The following NRG1 variants were observed in gnomAD, a reference collection of about 807,000 sequenced individuals.
NRG1 encodes pro-neuregulin-1, membrane-bound isoform.
Under a neutral mutation model 63.8 loss-of-function variants are expected in NRG1, and 18 were observed. The observed-to-expected ratio is 0.28, with a 90% CI of 0.19 to 0.42. The LOEUF (loss-of-function observed/expected upper bound fraction) is 0.42, where lower values mean the gene tolerates loss of function less well. Among genes scored for constraint, NRG1 ranks in the 10% least tolerant of loss-of-function variants. The pLI is 1.00. For synonymous variants in NRG1, 302 were observed against 301.3 expected, an observed-to-expected ratio of 1.00 and a Z score of -0.02; for missense variants, 762 against 814.7, an observed-to-expected ratio of 0.94 and a Z score of 0.79.
intron 1 of NRG1, among the ~76,000 whole-genome samples, chr8:31,642,485 G>T (rs912064576): frequency 3.3e-5 from 5 of 152,192 alleles, no homozygotes; most frequent in Non-Finnish European, 4.4e-5. Context: ...GAGAGGTAAA[G>T]TTCTTACAAG....
intron 1 of NRG1, among the ~76,000 whole-genome samples, chr8:32,033,533 T>C (rs924597626): frequency 6.6e-6 from 1 of 152,152 alleles, no homozygotes; most frequent in Non-Finnish European, 1.5e-5. Context: ...ATAAATTACT[T>C]TGGGTGTTAT....
chr8:31,864,844 A>G (rs550088105), intron 1 of NRG1, among the ~76,000 whole-genome samples: 1 of 152,122 alleles, frequency 6.6e-6, no homozygotes, highest in Non-Finnish European at 1.5e-5. Context: ...GATAGGTGAG[A>G]GGTAGCCCTA....
intron 1 of NRG1, among the ~76,000 whole-genome samples, chr8:32,227,346 A>G (rs1318858974): frequency 2.6e-5 from 4 of 152,234 alleles, no homozygotes; most frequent in Non-Finnish European, 5.9e-5. Flanking sequence ...CCATTAAAAA[A>G]GCAGGAATTC....
chr8:32,759,784 A>C (rs1830366864), intron 10 of NRG1, among the ~76,000 whole-genome samples: 1 of 152,162 alleles, frequency 6.6e-6, no homozygotes, highest in African/African-American at 2.4e-5. Context: ...GAATTGGTTA[A>C]ATAGTGGAAC....
intron 5 of NRG1, among the ~76,000 whole-genome samples, chr8:32,661,743 A>T (rs1032547402): frequency 6.6e-6 from 1 of 152,138 alleles, no homozygotes; most frequent in African/African-American, 2.4e-5. Context: ...TCAATAGAGA[A>T]GAGTTTACCT....
At chr8:32,353,440 A>G (rs1475068322) in intron 1 of NRG1, among the ~76,000 whole-genome samples, 1 of 151,976 alleles carries the variant, frequency 6.6e-6, no homozygotes, top group Non-Finnish European at 1.5e-5. Flanking sequence ...GTAACTAATG[A>G]AACATTATAT....
chr8:32,598,278 G>C (rs1236497049), intron 2 of NRG1, among the ~76,000 whole-genome samples: 1 of 152,054 alleles, frequency 6.6e-6, no homozygotes, highest in African/African-American at 2.4e-5. Context: ...ATTTCATCTA[G>C]AAGAAAGCAT....
chr8:32,206,624 C>A (rs888829824), intron 1 of NRG1, among the ~76,000 whole-genome samples: 1 of 152,178 alleles, frequency 6.6e-6, no homozygotes, highest in Non-Finnish European at 1.5e-5. Context: ...CAGAATAATG[C>A]CCCTCCATGT....
At chr8:32,410,311 G>T (rs1359604159) in intron 1 of NRG1, among the ~76,000 whole-genome samples, 4 of 149,508 alleles carry the variant, frequency 2.7e-5, no homozygotes, top group Non-Finnish European at 5.9e-5. Context: ...CTCCTGAGTA[G>T]CTGGGACTAC....
chr8:31,947,172 C>T (rs1315197733), intron 1 of NRG1, among the ~76,000 whole-genome samples: 1 of 151,504 alleles, frequency 6.6e-6, no homozygotes, highest in Non-Finnish European at 1.5e-5. Flanking sequence ...CGGTGGCGGG[C>T]GCCTGTAGTC....
chr8:31,781,356 A>T (rs991416340), intron 1 of NRG1, among the ~76,000 whole-genome samples: 4 of 152,146 alleles, frequency 2.6e-5, no homozygotes, highest in African/African-American at 9.7e-5. Flanking sequence ...GGCTGGGCTG[A>T]TCTTTATAGT....
intron 1 of NRG1, among the ~76,000 whole-genome samples, chr8:32,081,835 C>T (rs1204706323): frequency 5.9e-5 from 9 of 151,940 alleles, no homozygotes; most frequent in South Asian, 2.1e-4. Context: ...AGAGATGTTT[C>T]GATCTGTGGA....
At chr8:32,135,431 T>A (rs1319804993) in intron 1 of NRG1, among the ~76,000 whole-genome samples, 1 of 152,022 alleles carries the variant, frequency 6.6e-6, no homozygotes, top group Non-Finnish European at 1.5e-5. Context: ...GTAGTGAAGA[T>A]GCATAGGAGT....
chr8:32,722,147 T>TAA, intron 5 of NRG1: 2 of 978,490 alleles, frequency 2.0e-6, no homozygotes, highest in Non-Finnish European at 3.0e-6. Flanking sequence ...GTTATTTGGT[T>TAA]TAATTTTCTG....
chr8:32,426,915 G>T lies in NRG1; in HGVS notation c.38-168913G>T, dbSNP rs74512606. On this transcript the variant is annotated intron_variant, in intron 1 of 10. Coordinates refer to the NRG1 transcript ENST00000519301. Reference sequence around the variant, plus strand: ...AGTTGAGCAAAAGCAAAGGTCATCTGTGTTTATATTAACAATGTAAGAGTT... The same window carrying T: ...AGTTGAGCAAAAGCAAAGGTCATCTTTGTTTATATTAACAATGTAAGAGTT... Among the ~76,000 whole-genome samples the T allele has an allele frequency of 6.0e-3, 916 of 152,122 alleles. 11 individuals carry two copies. Among genetic ancestry groups the T allele is most frequent in the African/African-American group, 0.021 (886 of 41,514 alleles).
intron 9 of NRG1, 39 bp from the exon 10 acceptor site, chr8:32,759,267 C>A: frequency 6.2e-7 from 1 of 1,602,584 alleles, no homozygotes; most frequent in Non-Finnish European, 8.5e-7. Flanking sequence ...TGACATGAAT[C>A]TACGTGAATC....
chr8:32,729,698 C>A (rs1823150931), intron 6 of NRG1, among the ~76,000 whole-genome samples: 1 of 152,106 alleles, frequency 6.6e-6, no homozygotes, highest in Non-Finnish European at 1.5e-5. Flanking sequence ...GGTGCCAATT[C>A]TAATAAAATC....
chr8:32,143,316 GA>G (rs1836501818), intron 1 of NRG1, among the ~76,000 whole-genome samples: 1 of 152,018 alleles, frequency 6.6e-6, no homozygotes, highest in Non-Finnish European at 1.5e-5. Context: ...TAGAATGTAT[GA>G]AAAAATCAAA....
At chr8:32,712,853 A>G (rs886865121) in intron 5 of NRG1, among the ~76,000 whole-genome samples, 1 of 152,112 alleles carries the variant, frequency 6.6e-6, no homozygotes, top group Non-Finnish European at 1.5e-5. Flanking sequence ...GGAACTTTGT[A>G]CTGACCTCAT....
Sources: gnomAD v4.1 joint callset for allele counts (sites outside exome capture counted in the v4.1 genomes callset) on GRCh38, gnomAD v4.1.1 for gene constraint, MANE v1.5 for transcripts, NCBI Gene and HGNC (gene_info 2026-07-23, HGNC 2026-07-21) for gene names.